TRIM17: variants seen among roughly 807,000 people sequenced by gnomAD.
TRIM17 encodes tripartite motif containing 17.
TRIM17 carries 27 observed loss-of-function variants against 35.8 expected under a neutral mutation model. The observed-to-expected ratio is 0.75, with a 90% CI of 0.56 to 1.04. The LOEUF (loss-of-function observed/expected upper bound fraction) is 1.04. Among genes scored for constraint, TRIM17 ranks in the 50% least tolerant of loss-of-function variants. TRIM17 has a pLI of 0.00. For missense variants in TRIM17, 582 were observed against 612.8 expected (o/e 0.95, Z 0.53); for synonymous variants, 246 against 252.6 (o/e 0.97, Z 0.25).
At position 228,408,390 on chromosome 1, in the gene TRIM17, G is replaced by A. The variant is rs1329849733; in HGVS notation, c.1245C>T (p.Pro415=). 1 of 1,614,084 alleles carries A rather than the reference G, an allele frequency of 6.2e-7. No individual in the cohort carries two copies. Among genetic ancestry groups the A allele is most frequent in the Non-Finnish European group, 8.5e-7 (1 of 1,180,032 alleles). ...AGTCCAGGAAGATGCCCATGTGGCT[G>A]GGAGGCTCCATCAGCATGACCGGGG... ...ALTPVMLMEP[P]SHMGIFLDFE... The change falls in exon 7 of 7, where the codon CCC becomes CCT. Residue 415 remains proline (P), a synonymous_variant. Coordinates refer to ENST00000366698, the MANE Select transcript of TRIM17 (RefSeq NM_016102.4). The surrounding 1 kb of genome is among the most constrained non-coding windows in gnomAD (Gnocchi z 6.3).
At position 228,413,881 on chromosome 1, in the gene TRIM17, C is replaced by T. The variant is rs768712574; in HGVS notation, c.441G>A (p.Glu147=). Residue 147 remains glutamate (E), a synonymous_variant, in exon 3 of 7, where the codon GAG becomes GAA. Transcript: ENST00000366698. ...GCTCCCGAAGGTACTCCATGTCCTC[C>T]TCCAGCTTCAACTGTGGGACACACA... ...EAVQGYKLKL[E]EDMEYLREQI... 1.6e-5 allele frequency: 26 copies of T among 1,614,066 alleles called. No individual in the cohort carries two copies. The highest frequency in any genetic ancestry group is 2.2e-5 in the Non-Finnish European group (26 of 1,179,986).
At position 228,408,892 on chromosome 1, in the gene TRIM17, G is replaced by T; in HGVS notation, c.884-141C>A. 1 of 1,478,564 alleles carries T rather than the reference G, an allele frequency of 6.8e-7. No individual in the cohort carries two copies. Among genetic ancestry groups the T allele is most frequent in the East Asian group, 2.5e-5 (1 of 40,426 alleles). The allele number at this position is 1,478,564 out of a possible 1,614,324, so 91.6% of individuals were successfully genotyped here. ...AGGCCTCCCCTGCTGTGAATCTGGG[G>T]TTACTTGATGCTTCCACACACCAAT... is the stretch of plus-strand genomic sequence containing the variant. On this transcript the variant is annotated intron_variant, in intron 6 of 6. Coordinates refer to ENST00000366698, the MANE Select transcript of TRIM17 (RefSeq NM_016102.4). This position sits in a 1 kb window ranked among gnomAD's most constrained non-coding sequence, Gnocchi z 6.3.
At chr1:228,415,343 T>C (rs537026829) in intron 1 of TRIM17, 108 of 412,028 alleles carry the variant, frequency 2.6e-4, no homozygotes, top group African/African-American at 2.0e-3. Context: ...CCACTGGGCC[T>C]GGACCCTACC....
rs1409488574 is a variant in TRIM17 at position 228,416,539 on chromosome 1, C to T, written c.-42G>A. 2 of 985,248 alleles carry T rather than the reference C, an allele frequency of 2.0e-6. No homozygotes were observed. The allele number at this position is 985,248 out of a possible 1,614,324, so 61.0% of individuals were successfully genotyped here. On this transcript the variant is annotated splice_region_variant and 5_prime_UTR_variant, in exon 1 of 7. Coordinates refer to ENST00000366698, the MANE Select transcript of TRIM17 (RefSeq NM_016102.4). Reference sequence around the variant, plus strand: ...AGGCGGCGGGGTGGGGGCTACTCACCGCGGGGAAGGGGGGCCCGCACAGCG... The same window carrying T: ...AGGCGGCGGGGTGGGGGCTACTCACTGCGGGGAAGGGGGGCCCGCACAGCG...
rs757914861 is a variant in TRIM17, at chr1:228,411,076, G to A, written c.626C>T (p.Thr209Met). The change falls in exon 4 of 7, where the codon ACG (threonine) becomes ATG (methionine). Residue 209 changes from threonine (T) to methionine (M), a missense_variant. Physicochemically the swap from Thr to Met is moderately conservative, Grantham distance 81. Coordinates refer to ENST00000366698, the MANE Select transcript of TRIM17 (RefSeq NM_016102.4). The surrounding 1 kb of genome is among the most constrained non-coding windows in gnomAD (Gnocchi z 4.2). ...CCTGCTGGCAGTCTCCTCTTCTTCC[G>A]TCTCCAGAGCCTGGAGGAGCCTCTG... ...EEQRLLQALE[T>M]EEEETASRLR... The A allele has an allele frequency of 9.9e-6, 16 of 1,613,994 alleles. No homozygotes were observed. Among genetic ancestry groups the A allele is most frequent in the South Asian group, 9.9e-5 (9 of 91,070 alleles).
chr1:228,408,752 CTG>C lies in TRIM17; in HGVS notation c.884-3_884-2del. 1 of 1,598,980 alleles carries C rather than the reference CTG, an allele frequency of 6.3e-7. No individual in the cohort carries two copies. The highest frequency in any genetic ancestry group is 8.5e-7 in the Non-Finnish European group (1 of 1,178,844). On this transcript the variant is annotated splice_acceptor_variant and splice_polypyrimidine_tract_variant and intron_variant, in intron 6 of 6. Coordinates refer to ENST00000366698, the MANE Select transcript of TRIM17 (RefSeq NM_016102.4). LOFTEE classifies it high-confidence loss of function. The surrounding 1 kb of genome is among the most constrained non-coding windows in gnomAD (Gnocchi z 6.3). The stretch of plus-strand genomic sequence containing the variant: ...GAGGTGGCATCAGGCACCACATCCT[CTG>C]TAGATGGGCGTGGTGGTGGAGAGAT...
chr1:228,408,191 C>G lies in TRIM17; in HGVS notation c.*10G>C. On this transcript the variant is annotated 3_prime_UTR_variant, in exon 7 of 7. Coordinates refer to ENST00000366698, the MANE Select transcript of TRIM17 (RefSeq NM_016102.4). This position sits in a 1 kb window ranked among gnomAD's most constrained non-coding sequence, Gnocchi z 6.3. ...AGCCAGGAGCAGTGCCCGAGTCCCC[C>G]GGTCTGTGTCTATCCTTTCACCCAC... 1.3e-6 allele frequency: 2 copies of G among 1,514,678 alleles called. No individual in the cohort carries two copies. Among genetic ancestry groups the G allele is most frequent in the Non-Finnish European group, 1.8e-6 (2 of 1,131,804 alleles). 93.8% of individuals were successfully genotyped at this position (1,514,678 alleles called of 1,614,324 possible). A position where few individuals can be genotyped will look rare whatever the true frequency, so the allele number is the denominator to read the frequency against.
At chr1:228,412,257 GC>G (rs770646231) in intron 3 of TRIM17, among the ~76,000 whole-genome samples, 4 of 152,020 alleles carry the variant, frequency 2.6e-5, no homozygotes, top group Non-Finnish European at 4.4e-5. Context: ...ATGTGAGAGG[GC>G]CAAAACTTCC....
chr1:228,413,072 ATGG>A (rs907137883), intron 3 of TRIM17, among the ~76,000 whole-genome samples: 5 of 151,962 alleles, frequency 3.3e-5, no homozygotes, highest in African/African-American at 1.2e-4. Flanking sequence ...TTAGTCGGGC[ATGG>A]TGGTGGGCAC....
chr1:228,408,591 AGAG>A lies in TRIM17; in HGVS notation c.1041_1043del (p.Ser348del), dbSNP rs757626123. The A allele has an allele frequency of 2.2e-5, 36 of 1,613,902 alleles. No individual in the cohort carries two copies. Among genetic ancestry groups the A allele is most frequent in the Middle Eastern group, 3.3e-4 (2 of 6,084 alleles). Reference sequence around the variant, plus strand: ...TGCCCACCTCCCAGTAGTGCCTCCCAGAGGAGAAGGCCGTCTGGCCCACAGCAC... The same window carrying A: ...TGCCCACCTCCCAGTAGTGCCTCCCAGAGAAGGCCGTCTGGCCCACAGCAC... On this transcript the variant is annotated inframe_deletion, in exon 7 of 7. Coordinates refer to ENST00000366698, the MANE Select transcript of TRIM17 (RefSeq NM_016102.4). The surrounding 1 kb of genome is among the most constrained non-coding windows in gnomAD (Gnocchi z 6.3).
At chr1:228,414,079 C>A (rs528453757) in intron 2 of TRIM17, among the ~76,000 whole-genome samples, 187 bp from the exon 3 acceptor site, 2 of 152,320 alleles carry the variant, frequency 1.3e-5, no homozygotes, top group Non-Finnish European at 2.9e-5. Flanking sequence ...TAAAAAAGGG[C>A]AGGTGTAAGA....
At chr1:228,413,140 G>A (rs1656875549) in intron 3 of TRIM17, among the ~76,000 whole-genome samples, 1 of 150,578 alleles carries the variant, frequency 6.6e-6, no homozygotes. Flanking sequence ...GAACCCGGGA[G>A]GCAGAGGTTG....
intron 1 of TRIM17, 23 bp from the exon 2 acceptor site, chr1:228,415,136 GC>G: frequency 6.6e-7 from 1 of 1,522,306 alleles, no homozygotes; most frequent in Non-Finnish European, 8.8e-7. Context: ...GGAGGGAGCA[GC>G]CCGATGATCT....
At chr1:228,416,399 C>T in intron 1 of TRIM17, 140 bp downstream of exon 1, 3 of 986,556 alleles carry the variant, frequency 3.0e-6, no homozygotes, top group South Asian at 9.4e-5. Context: ...TGTTGAAGCG[C>T]GCTAGCCCCT....
At position 228,411,507 on chromosome 1, in the gene TRIM17, G is replaced by A. The variant is rs931687266; in HGVS notation, c.526-331C>T. On this transcript the variant is annotated intron_variant, in intron 3 of 6. Coordinates refer to ENST00000366698, the MANE Select transcript of TRIM17 (RefSeq NM_016102.4). This position sits in a 1 kb window ranked among gnomAD's most constrained non-coding sequence, Gnocchi z 4.2. ...TTGTTTTTTGTTTTGTTTTGTTTGA[G>A]ACAGGGTCTCGCTCAGTTGCCCAGG... Among the ~76,000 whole-genome samples the A allele has an allele frequency of 4.6e-5, 7 of 152,230 alleles. No individual in the cohort carries two copies. Among genetic ancestry groups the A allele is most frequent in the Non-Finnish European group, 2.9e-5 (2 of 68,040 alleles).
Position 228,411,038 on chromosome 1 carries a change from C to T in TRIM17, c.664G>A (p.Val222Met), listed in dbSNP as rs904330647. 4.3e-6 allele frequency: 7 copies of T among 1,613,528 alleles called. No homozygotes were observed. The highest frequency in any genetic ancestry group is 2.7e-5 in the African/African-American group (2 of 75,066). ...EETASRLRES[V>M]ACLDRQGHSL... ...TGACCCTGCCGGTCCAGGCAGGCCA[C>T]GCTCTCCCGGAGCCTGCTGGCAGTC... Residue 222 changes from valine to methionine, a missense_variant, in exon 4 of 7, where the codon GTG becomes ATG. Coordinates refer to ENST00000366698, the MANE Select transcript of TRIM17 (RefSeq NM_016102.4). The surrounding 1 kb of genome is among the most constrained non-coding windows in gnomAD (Gnocchi z 4.2).
chr1:228,409,930 T>C (rs1656686356), intron 4 of TRIM17, among the ~76,000 whole-genome samples: 1 of 152,070 alleles, frequency 6.6e-6, no homozygotes, highest in Non-Finnish European at 1.5e-5. Context: ...AAAGGCCATA[T>C]TTCTAGTTGC....
In TRIM17 at chr1:228,411,817, G is replaced by A. The variant is rs1215660599; in HGVS notation, c.526-641C>T. On this transcript the variant is annotated intron_variant, in intron 3 of 6. Transcript: ENST00000366698. The surrounding 1 kb of genome is among the most constrained non-coding windows in gnomAD (Gnocchi z 4.2). ...CCAGCTAATTTTTAATTTTTTTGTAGAGACAGGGTCTTGCTATGTTGCCCA... is the reference window on the plus strand; with the variant it reads ...CCAGCTAATTTTTAATTTTTTTGTAAAGACAGGGTCTTGCTATGTTGCCCA... 6.6e-6 allele frequency among the ~76,000 whole-genome samples: 1 copy of A among 152,124 alleles called. No individual in the cohort carries two copies. The highest frequency in any genetic ancestry group is 1.5e-5 in the Non-Finnish European group (1 of 68,028).
rs1466022507 is a variant in TRIM17 at position 228,414,841 on chromosome 1, G to C, written c.232C>G (p.Arg78Gly). 3.1e-6 allele frequency: 5 copies of C among 1,613,618 alleles called. No individual in the cohort carries two copies. The highest frequency in any genetic ancestry group is 4.2e-6 in the Non-Finnish European group (5 of 1,180,030). ...ATCTCGGCCACCTTGGTCAGCAGCC[G>C]GTTGGGCAGCAGGTTCCTCTGCGGG... ...MSPQRNLLPN[R>G]LLTKVAEMAQ... Residue 78 changes from arginine to glycine, a missense_variant, in exon 2 of 7, where the codon CGG (arginine) becomes GGG (glycine). Physicochemically the swap from Arg to Gly is moderately radical, Grantham distance 125 (BLOSUM62 -2). Transcript: ENST00000366698.
Sources: allele counts gnomAD v4.1 joint callset (sites outside exome capture counted in the v4.1 genomes callset), GRCh38; gene constraint gnomAD v4.1.1; non-coding constraint Gnocchi (gnomAD v3.1); transcripts MANE v1.5; gene names NCBI Gene and HGNC (gene_info 2026-07-23, HGNC 2026-07-21).